Variants in SLC39A5 observed in about 807,000 individuals in gnomAD.
SLC39A5 encodes the protein zinc transporter ZIP5.
A neutral mutation model predicts 46.9 loss-of-function variants in SLC39A5; 42 were observed. That is an observed-to-expected ratio of 0.90 (90% CI 0.70 to 1.16). SLC39A5 has a LOEUF of 1.16. Ranked by LOEUF, SLC39A5 falls within the 50% of genes most tolerant of loss-of-function variation. The probability of loss-of-function intolerance (pLI) is 0.00; values close to 1 mark genes in which losing one functional copy is unlikely to be tolerated. For synonymous variants in SLC39A5, 311 were observed against 323.1 expected (o/e 0.96, Z 0.40); for missense variants, 677 against 686.8 (o/e 0.99, Z 0.16).
At chr12:56,234,143 A>AATAT (rs1199616961) in intron 5 of SLC39A5, among the ~76,000 whole-genome samples, 1 of 151,174 alleles carries the variant, frequency 6.6e-6, no homozygotes, top group African/African-American at 2.4e-5. Context: ...ACAGGTGTTA[A>AATAT]ATATATATAT....
At position 56,237,713 on chromosome 12, in the gene SLC39A5, C is replaced by T. The variant is rs150715610; in HGVS notation, c.1605C>T (p.Pro535=). ...CCCTGCTGGAGGAGCGGCTACTGCC[C>T]GTGACCACTGAGGGCTGATGGGGCC... is the stretch of plus-strand genomic sequence containing the variant. ...AITLLEERLL[P]VTTEG The change falls in exon 13 of 13, where the codon CCC becomes CCT. Residue 535 remains proline (P), a synonymous_variant. Transcript: ENST00000454355. 5.0e-4 allele frequency: 785 copies of T among 1,576,876 alleles called. 1 individual carries two copies. Among genetic ancestry groups the T allele is most frequent in the Non-Finnish European group, 6.5e-4 (751 of 1,162,710 alleles).
rs779237706 is a variant in SLC39A5 at position 56,235,639 on chromosome 12, T to A, written c.884T>A (p.Leu295His). 6.2e-7 allele frequency: 1 copy of A among 1,614,134 alleles called. No homozygotes were observed. The highest frequency in any genetic ancestry group is 8.5e-7 in the Non-Finnish European group (1 of 1,180,012). Residue 295 changes from leucine to histidine, a missense_variant, in exon 8 of 13, where the codon CTC (leucine) becomes CAC (histidine). Transcript: ENST00000454355. ...CCGGGGCTGTCAGTGCTCGGAGGCC[T>A]CTTCCTGCTCTTTGTGCTGGAGAAC... is the stretch of plus-strand genomic sequence containing the variant. ...LGPGLSVLGG[L>H]FLLFVLENML...
In SLC39A5 at chr12:56,236,852, GA is replaced by G. The variant is rs1337406919; in HGVS notation, c.1208-78del. The G allele has an allele frequency of 9.4e-5, 150 of 1,596,036 alleles. 1 individual carries two copies. In the Admixed American group the frequency reaches 1.1e-3, roughly 11 times the overall value. On this transcript the variant is annotated intron_variant, in intron 10 of 12. Coordinates refer to ENST00000454355, the MANE Select transcript of SLC39A5 (RefSeq NM_173596.3). ...CGTCAGGAAGATGGGGAGAGGACGG[GA>G]GGACCACGGAACACAGGAACCTGCT...
rs756009566 is a variant in SLC39A5, at chr12:56,237,708, C to T, written c.1600C>T (p.Leu534=). 1 of 1,581,444 alleles carries T rather than the reference C, an allele frequency of 6.3e-7. No individual in the cohort carries two copies. The highest frequency in any genetic ancestry group is 8.6e-7 in the Non-Finnish European group (1 of 1,164,990). ...LAITLLEERL[L]PVTTEG ...CATAACCCTGCTGGAGGAGCGGCTA[C>T]TGCCCGTGACCACTGAGGGCTGATG... is the stretch of plus-strand genomic sequence containing the variant. The change falls in exon 13 of 13, where the codon CTG becomes TTG. Residue 534 remains leucine, a synonymous_variant. Coordinates refer to ENST00000454355, the MANE Select transcript of SLC39A5 (RefSeq NM_173596.3).
chr12:56,231,521 G>A lies in SLC39A5; in HGVS notation c.247G>A (p.Gly83Arg), dbSNP rs777465518. 6 of 1,585,952 alleles carry A rather than the reference G, an allele frequency of 3.8e-6. No individual in the cohort carries two copies. Among genetic ancestry groups the A allele is most frequent in the Admixed American group, 3.5e-5 (2 of 57,192 alleles). ...LRLGQHGPLT[G>R]RAASPAADNS... Reference sequence around the variant, plus strand: ...CCTGGGACAGCATGGGCCTCTGACTGGACGGGCTGCATCCCCAGCTGCAGA... The same window carrying A: ...CCTGGGACAGCATGGGCCTCTGACTAGACGGGCTGCATCCCCAGCTGCAGA... The change falls in exon 4 of 13, where the codon GGA becomes AGA. Residue 83 changes from glycine to arginine, a missense_variant. Coordinates refer to ENST00000454355, the MANE Select transcript of SLC39A5 (RefSeq NM_173596.3).
chr12:56,237,713 C>A lies in SLC39A5; in HGVS notation c.1605C>A (p.Pro535=), dbSNP rs150715610. The A allele has an allele frequency of 1.1e-5, 18 of 1,576,758 alleles. No homozygotes were observed. Among genetic ancestry groups the A allele is most frequent in the Non-Finnish European group, 1.4e-5 (16 of 1,162,718 alleles). The change falls in exon 13 of 13, where the codon CCC becomes CCA. Residue 535 remains proline, a synonymous_variant. Transcript: ENST00000454355. Reference sequence around the variant, plus strand: ...CCCTGCTGGAGGAGCGGCTACTGCCCGTGACCACTGAGGGCTGATGGGGCC... The same window carrying A: ...CCCTGCTGGAGGAGCGGCTACTGCCAGTGACCACTGAGGGCTGATGGGGCC... ...AITLLEERLL[P]VTTEG
chr12:56,231,699 T>C, intron 4 of SLC39A5, 138 bp downstream of exon 4: 1 of 846,746 alleles, frequency 1.2e-6, no homozygotes, highest in Non-Finnish European at 1.7e-6. Context: ...TTGGTATCTC[T>C]TCAAAACCTC....
At chr12:56,234,008 T>C (rs1035953458) in intron 5 of SLC39A5, among the ~76,000 whole-genome samples, 1 of 152,138 alleles carries the variant, frequency 6.6e-6, no homozygotes, top group African/African-American at 2.4e-5. Flanking sequence ...AATACCTGCA[T>C]TGGACTGAAT....
chr12:56,235,523 G>A (rs1870655654), intron 7 of SLC39A5, 37 bp from the exon 8 acceptor site: 1 of 1,605,180 alleles, frequency 6.2e-7, no homozygotes, highest in Non-Finnish European at 8.5e-7. Context: ...TTGGGTATAG[G>A]GGCTTCCAGA....
At position 56,236,471 on chromosome 12, in the gene SLC39A5, C is replaced by A; in HGVS notation, c.1021C>A (p.Gln341Lys). ...DPENGSGMAL[Q>K]PLQAAPEPGA... ...GGAGAATGGCAGTGGGATGGCCCTTCAGCCCCTACAGGCAGCTCCAGGTGA... is the reference window on the plus strand; with the variant it reads ...GGAGAATGGCAGTGGGATGGCCCTTAAGCCCCTACAGGCAGCTCCAGGTGA... The change falls in exon 9 of 13, where the codon CAG becomes AAG. Residue 341 changes from glutamine to lysine, a missense_variant. Transcript: ENST00000454355. 6.2e-7 allele frequency: 1 copy of A among 1,614,260 alleles called. No homozygotes were observed. Among genetic ancestry groups the A allele is most frequent in the Non-Finnish European group, 8.5e-7 (1 of 1,180,044 alleles).
In SLC39A5 at chr12:56,236,646, G is replaced by T. The variant is rs753423463; in HGVS notation, c.1107G>T (p.Gly369=). The T allele has an allele frequency of 6.2e-7, 1 of 1,613,606 alleles. No homozygotes were observed. The highest frequency in any genetic ancestry group is 1.3e-5 in the African/African-American group (1 of 74,924). Residue 369 remains glycine, a synonymous_variant, in exon 10 of 13, where the codon GGG becomes GGT. Coordinates refer to ENST00000454355, the MANE Select transcript of SLC39A5 (RefSeq NM_173596.3). ...SQHPPALAPP[G]HQGHSHGHQG... is the part of the protein sequence containing the mutation. The stretch of plus-strand genomic sequence containing the variant: ...ACCCACCAGCTCTGGCCCCTCCTGG[G>T]CACCAAGGCCACAGTCATGGGCACC...
chr12:56,235,534 G>A (rs750318280), intron 7 of SLC39A5, 26 bp from the exon 8 acceptor site: 2 of 1,609,678 alleles, frequency 1.2e-6, no homozygotes, highest in African/African-American at 2.7e-5. Context: ...GGCTTCCAGA[G>A]TCTGCCCTGA....
At chr12:56,234,154 A>G (rs1394754528) in intron 5 of SLC39A5, among the ~76,000 whole-genome samples, 1 of 151,448 alleles carries the variant, frequency 6.6e-6, no homozygotes, top group Non-Finnish European at 1.5e-5. Context: ...ATATATATAT[A>G]TATATTTTTT....
rs558867316 is a variant in SLC39A5, at chr12:56,237,662, G to A, written c.1554G>A (p.Leu518=). The A allele has an allele frequency of 6.2e-6, 10 of 1,608,882 alleles. No individual in the cohort carries two copies. In the African/African-American group the frequency reaches 6.7e-5, roughly 11 times the overall value. ...HVLLQGLGLL[L]GGGLMLAITL... Reference sequence around the variant, plus strand: ...TCCTGCAGGGGCTGGGGCTGCTGCTGGGGGGCGGCCTCATGCTTGCCATAA... The same window carrying A: ...TCCTGCAGGGGCTGGGGCTGCTGCTAGGGGGCGGCCTCATGCTTGCCATAA... Residue 518 remains leucine, a synonymous_variant, in exon 13 of 13, where the codon CTG becomes CTA. Coordinates refer to ENST00000454355, the MANE Select transcript of SLC39A5 (RefSeq NM_173596.3).
At position 56,235,151 on chromosome 12, in the gene SLC39A5, C is replaced by A; in HGVS notation, c.635-6C>A. On this transcript the variant is annotated splice_polypyrimidine_tract_variant and splice_region_variant and intron_variant, in intron 6 of 12. Coordinates refer to ENST00000454355, the MANE Select transcript of SLC39A5 (RefSeq NM_173596.3). The stretch of plus-strand genomic sequence containing the variant: ...TGACCTAACTTCAGCCCCTGATTCT[C>A]CCCAGCCCTGCTTCAGAGTGCCCTG... 1 of 1,546,788 alleles carries A rather than the reference C, an allele frequency of 6.5e-7. No homozygotes were observed. The highest frequency in any genetic ancestry group is 1.7e-4 in the Middle Eastern group (1 of 5,722).
chr12:56,237,061 C>T (rs1870865897), intron 11 of SLC39A5, 50 bp downstream of exon 11: 2 of 1,612,992 alleles, frequency 1.2e-6, no homozygotes, highest in Non-Finnish European at 1.7e-6. Flanking sequence ...GGAGATAGCT[C>T]CAAGGGGTAG....
rs374112801 is a variant in SLC39A5, at chr12:56,237,591, C to T, written c.1483C>T (p.Pro495Ser). 14 of 1,613,644 alleles carry T rather than the reference C, an allele frequency of 8.7e-6. No individual in the cohort carries two copies. The highest frequency in any genetic ancestry group is 1.1e-5 in the Non-Finnish European group (13 of 1,179,930). The change falls in exon 13 of 13, where the codon CCA becomes TCA. Residue 495 changes from proline (P) to serine (S), a missense_variant. Pro to Ser is a moderately conservative substitution (Grantham distance 74). Transcript: ENST00000454355. ...FLYVALVDMLPALLRPPEPLP... is the reference protein window; with the variant it reads ...FLYVALVDMLSALLRPPEPLP... ...TGACATCCTCTTTTTCTTTCAGCTACCAGCCCTGCTTCGTCCTCCGGAGCC... is the reference window on the plus strand; with the variant it reads ...TGACATCCTCTTTTTCTTTCAGCTATCAGCCCTGCTTCGTCCTCCGGAGCC...
At position 56,235,723 on chromosome 12, in the gene SLC39A5, CCTT is replaced by C. The variant is rs768514305; in HGVS notation, c.945+26_945+28del. Reference sequence around the variant, plus strand: ...CCAGTGAGTGATACCCTTTTCTCCTCCTTCTGCTGAGACCAGAGTCCCAGTCAA... The same window carrying C: ...CCAGTGAGTGATACCCTTTTCTCCTCCTGCTGAGACCAGAGTCCCAGTCAA... On this transcript the variant is annotated intron_variant, in intron 8 of 12. Coordinates refer to ENST00000454355, the MANE Select transcript of SLC39A5 (RefSeq NM_173596.3). 1.6e-5 allele frequency: 26 copies of C among 1,613,074 alleles called. No individual in the cohort carries two copies. The African/African-American group carries it at 2.7e-4, about 17-fold the overall frequency.
Position 56,236,428 on chromosome 12 carries a change from AAC to A in SLC39A5, c.981_982del (p.Arg328GlnfsTer54). 5 of 1,614,250 alleles carry A rather than the reference AAC, an allele frequency of 3.1e-6. No homozygotes were observed. Among genetic ancestry groups the A allele is most frequent in the Non-Finnish European group, 4.2e-6 (5 of 1,180,044 alleles). On this transcript the variant is annotated frameshift_variant, in exon 9 of 13. Coordinates refer to ENST00000454355, the MANE Select transcript of SLC39A5 (RefSeq NM_173596.3). LOFTEE classifies it high-confidence loss of function. ...GCAGGCGAAAACGAAGGAATCTCGA[AAC>A]ACGCAACTTGGATCCGGAGAATGGC... ...CCRRKRRNLE[T>X]RNLDPENGSG...
Sources: allele counts gnomAD v4.1 joint callset (sites outside exome capture counted in the v4.1 genomes callset), GRCh38; gene constraint gnomAD v4.1.1; transcripts MANE v1.5; gene names NCBI Gene and HGNC (gene_info 2026-07-23, HGNC 2026-07-21).